QRFPR: variants seen among roughly 807,000 people sequenced by gnomAD.
QRFPR encodes pyroglutamylated RFamide peptide receptor.
QRFPR carries 37 observed loss-of-function variants against 31.3 expected under a neutral mutation model. That is an observed-to-expected ratio of 1.18 (90% CI 0.91 to 1.56). The LOEUF is 1.56. Among genes scored for constraint, QRFPR ranks in the 40% most tolerant of loss-of-function variants. QRFPR has a pLI of 0.00. For synonymous variants in QRFPR, 197 were observed against 192.0 expected (o/e 1.03, Z -0.22); for missense variants, 542 against 532.5 (o/e 1.02, Z -0.18).
At chr4:121,370,434 T>C (rs1372987042) in intron 1 of QRFPR, 5 of 603,224 alleles carry the variant, frequency 8.3e-6, no homozygotes, top group Non-Finnish European at 1.2e-5. Flanking sequence ...AGATGGATGT[T>C]AATGAGGAAC....
rs181456942 is a variant in QRFPR at position 121,366,224 on chromosome 4, C to A, written c.340+14084G>T. Among the ~76,000 whole-genome samples, 1,385 of 149,790 alleles carry A rather than the reference C, an allele frequency of 9.2e-3. 102 individuals carry two copies. Among genetic ancestry groups the A allele is most frequent in the African/African-American group, 0.032 (1,313 of 40,440 alleles). On this transcript the variant is annotated intron_variant, in intron 1 of 5. Coordinates refer to ENST00000394427, the MANE Select transcript of QRFPR (RefSeq NM_198179.3). ...GACTGGTTGGGTCAAAGCCTGGCAC[C>A]AGTATTTCCAGTCTATATGAGCTTG...
At chr4:121,343,312 C>T (rs1257915023) in intron 1 of QRFPR, among the ~76,000 whole-genome samples, 1 of 152,178 alleles carries the variant, frequency 6.6e-6, no homozygotes, top group Admixed American at 6.5e-5. Context: ...TATCACCTAT[C>T]CTATCCCTAA....
intron 1 of QRFPR, among the ~76,000 whole-genome samples, chr4:121,378,724 G>C (rs866672618): frequency 1.3e-5 from 2 of 152,106 alleles, no homozygotes; most frequent in African/African-American, 4.8e-5. Context: ...CGCCTGGCCA[G>C]ACTCACTGCA....
Position 121,329,179 on chromosome 4 carries a change from T to C in QRFPR, c.*135A>G. On this transcript the variant is annotated 3_prime_UTR_variant, in exon 6 of 6. Coordinates refer to ENST00000394427, the MANE Select transcript of QRFPR (RefSeq NM_198179.3). Reference sequence around the variant, plus strand: ...CTGCACTTGGACTAGCCTCGTGTCATTTTTTAATGGAAACATGATTTGTTT... The same window carrying C: ...CTGCACTTGGACTAGCCTCGTGTCACTTTTTAATGGAAACATGATTTGTTT... The C allele has an allele frequency of 1.4e-6, 1 of 717,544 alleles. No homozygotes were observed. Among genetic ancestry groups the C allele is most frequent in the Non-Finnish European group, 2.2e-6 (1 of 457,036 alleles). The allele number at this position is 717,544 out of a possible 1,614,324, so 44.4% of individuals were successfully genotyped here.
Position 121,338,326 on chromosome 4 carries a change from G to A in QRFPR, c.500-1458C>T, listed in dbSNP as rs1284901615. 5.9e-5 allele frequency among the ~76,000 whole-genome samples: 9 copies of A among 152,244 alleles called. No individual in the cohort carries two copies. In the South Asian group the frequency reaches 1.9e-3, roughly 32 times the overall value. On this transcript the variant is annotated intron_variant, in intron 2 of 5. Transcript: ENST00000394427. ...TCATTGACTACCTTCCTGGATCCCT[G>A]GATGGTTCTGAGATAGAAGGGCTAG...
At chr4:121,363,735 A>G (rs1360218512) in intron 1 of QRFPR, among the ~76,000 whole-genome samples, 1 of 150,330 alleles carries the variant, frequency 6.7e-6, no homozygotes, top group Admixed American at 6.6e-5. Context: ...GCTAAAATTT[A>G]TTAATGTATG....
At chr4:121,371,142 A>G (rs1560746108) in intron 1 of QRFPR, among the ~76,000 whole-genome samples, 1 of 152,206 alleles carries the variant, frequency 6.6e-6, no homozygotes, top group Non-Finnish European at 1.5e-5. Flanking sequence ...GGATGTAGGA[A>G]CATGCTGTCT....
intron 1 of QRFPR, among the ~76,000 whole-genome samples, chr4:121,358,772 A>C (rs1163875295): frequency 6.6e-6 from 1 of 152,152 alleles, no homozygotes; most frequent in African/African-American, 2.4e-5. Context: ...GTCCTTGATC[A>C]TGGCTGAGCC....
chr4:121,334,864 C>G (rs1725402074), intron 3 of QRFPR, among the ~76,000 whole-genome samples: 1 of 152,102 alleles, frequency 6.6e-6, no homozygotes, highest in Non-Finnish European at 1.5e-5. Flanking sequence ...ACTGCAAGCT[C>G]AGGACGATAT....
intron 1 of QRFPR, among the ~76,000 whole-genome samples, chr4:121,350,910 G>C (rs1364675954): frequency 6.6e-6 from 1 of 152,130 alleles, no homozygotes; most frequent in Non-Finnish European, 1.5e-5. Context: ...ACTAATTAGA[G>C]TTTATTTCCA....
chr4:121,374,417 A>G (rs777417328), intron 1 of QRFPR, among the ~76,000 whole-genome samples: 10 of 152,294 alleles, frequency 6.6e-5, no homozygotes, highest in South Asian at 4.1e-4. Flanking sequence ...TCTTCATATC[A>G]GCCTGAGTCC....
At chr4:121,376,684 C>T (rs1380366763) in intron 1 of QRFPR, among the ~76,000 whole-genome samples, 3 of 152,118 alleles carry the variant, frequency 2.0e-5, no homozygotes, top group Admixed American at 6.5e-5. Flanking sequence ...GTTGTGCACA[C>T]TGGGCTCTGT....
rs143858008 is a variant in QRFPR at position 121,329,725 on chromosome 4, G to A, written c.896-11C>T. 5,531 of 1,462,548 alleles carry A rather than the reference G, an allele frequency of 3.8e-3. 10 individuals carry two copies. Among genetic ancestry groups the A allele is most frequent in the Non-Finnish European group, 4.7e-3 (5,077 of 1,089,232 alleles). 90.6% of individuals were successfully genotyped at this position (1,462,548 alleles called of 1,614,324 possible). On this transcript the variant is annotated splice_polypyrimidine_tract_variant and intron_variant, in intron 5 of 5. Coordinates refer to ENST00000394427, the MANE Select transcript of QRFPR (RefSeq NM_198179.3). ...CCTTTTCAAAATTACCTGAAATAAA[G>A]TAATATTTTAGAATGTACGTTTATT...
intron 1 of QRFPR, among the ~76,000 whole-genome samples, chr4:121,357,583 G>A (rs560835723): frequency 3.3e-4 from 50 of 152,216 alleles, no homozygotes; most frequent in African/African-American, 1.1e-3. Context: ...AAGACGTAGC[G>A]CCAGATTCCA....
intron 3 of QRFPR, among the ~76,000 whole-genome samples, chr4:121,335,122 C>T (rs1012116103): frequency 1.3e-5 from 2 of 151,944 alleles, no homozygotes; most frequent in African/African-American, 2.4e-5. Context: ...ACTGGCTTTG[C>T]CAATGACATG....
At chr4:121,349,795 G>C (rs927044969) in intron 1 of QRFPR, among the ~76,000 whole-genome samples, 1 of 152,116 alleles carries the variant, frequency 6.6e-6, no homozygotes, top group African/African-American at 2.4e-5. Context: ...CAATTAGAAT[G>C]GTTATCAAAT....
intron 1 of QRFPR, among the ~76,000 whole-genome samples, chr4:121,370,956 C>T (rs1726231187): frequency 1.3e-5 from 2 of 152,182 alleles, no homozygotes; most frequent in African/African-American, 4.8e-5. Context: ...TTTATAACTT[C>T]TCTCCTTGGT....
chr4:121,355,467 G>T (rs1354449183), intron 1 of QRFPR, among the ~76,000 whole-genome samples: 1 of 151,890 alleles, frequency 6.6e-6, no homozygotes, highest in Non-Finnish European at 1.5e-5. Context: ...TTTTCAGTCA[G>T]ATTAAAGGTT....
chr4:121,378,674 C>T (rs1418003931), intron 1 of QRFPR, among the ~76,000 whole-genome samples: 12 of 152,074 alleles, frequency 7.9e-5, no homozygotes, highest in African/African-American at 1.9e-4. Flanking sequence ...CCGCCCGCCT[C>T]GGCCTCCCAA....
Sources: allele counts gnomAD v4.1 joint callset (sites outside exome capture counted in the v4.1 genomes callset), GRCh38; gene constraint gnomAD v4.1.1; transcripts MANE v1.5; gene names NCBI Gene and HGNC (gene_info 2026-07-23, HGNC 2026-07-21).